UBXN7: variants seen among roughly 807,000 people sequenced by gnomAD.
UBXN7 encodes the protein UBX domain protein 7, also known as UBX domain-containing protein 7.
UBXN7 carries 9 observed loss-of-function variants against 58.0 expected under a neutral mutation model. That is an observed-to-expected ratio of 0.16 (90% CI 0.09 to 0.27). The LOEUF is 0.27. Ranked by LOEUF, UBXN7 falls within the 10% of genes least tolerant of loss-of-function variation. UBXN7 has a pLI of 1.00. For synonymous variants in UBXN7, 208 were observed against 205.0 expected (o/e 1.01, Z -0.12); for missense variants, 328 against 599.6 (o/e 0.55, Z 4.73).
chr3:196,390,376 T>C (rs1172088456), intron 5 of UBXN7, among the ~76,000 whole-genome samples: 2 of 152,096 alleles, frequency 1.3e-5, no homozygotes, highest in African/African-American at 4.8e-5. Flanking sequence ...GTAGTTAGTT[T>C]GGGGCACCTG....
chr3:196,371,344 T>C (rs780200581), intron 6 of UBXN7, among the ~76,000 whole-genome samples: 2 of 152,226 alleles, frequency 1.3e-5, no homozygotes, highest in African/African-American at 4.8e-5. Context: ...GTATTAGTTA[T>C]ATAGATATAT....
At chr3:196,414,128 G>A (rs1028675553) in intron 1 of UBXN7, among the ~76,000 whole-genome samples, 17 of 152,024 alleles carry the variant, frequency 1.1e-4, no homozygotes, top group African/African-American at 4.1e-4. Flanking sequence ...TAGCTGTTCT[G>A]TTGCCACCAC....
At chr3:196,383,116 C>CA (rs370376004) in intron 5 of UBXN7, among the ~76,000 whole-genome samples, 270 of 100,574 alleles carry the variant, frequency 2.7e-3, no homozygotes, top group Middle Eastern at 0.011. Context: ...ACTCCATCTC[C>CA]AAAAAAAAAA....
intron 1 of UBXN7, among the ~76,000 whole-genome samples, chr3:196,412,448 A>T (rs1204431141): frequency 6.6e-6 from 1 of 152,146 alleles, no homozygotes; most frequent in African/African-American, 2.4e-5. Flanking sequence ...GTGGGTGAGC[A>T]TGTGGAGAAA....
At chr3:196,390,231 CAAAG>C (rs767973621) in intron 5 of UBXN7, among the ~76,000 whole-genome samples, 2 of 151,534 alleles carry the variant, frequency 1.3e-5, no homozygotes, top group African/African-American at 2.4e-5. Context: ...AAAAAAAAGA[CAAAG>C]AAAAGGGAAA....
chr3:196,358,010 C>A (rs1193196711), intron 10 of UBXN7, among the ~76,000 whole-genome samples: 1 of 151,808 alleles, frequency 6.6e-6, no homozygotes, highest in African/African-American at 2.4e-5. Context: ...AGCACTCCAG[C>A]CTGGGCAGAG....
At chr3:196,358,754 C>T (rs1359959907) in intron 10 of UBXN7, among the ~76,000 whole-genome samples, 3 of 151,892 alleles carry the variant, frequency 2.0e-5, no homozygotes, top group Non-Finnish European at 4.4e-5. Flanking sequence ...AACCAACCAA[C>T]CAACAACAAC....
chr3:196,353,038 GC>G lies in UBXN7; in HGVS notation c.*3646del, dbSNP rs1214962346. ...CAATAATCAGCCTCTCAAAATAATG[GC>G]ATAAATAAAAATGTATAGGCATAGT... On this transcript the variant is annotated 3_prime_UTR_variant, in exon 11 of 11. Coordinates refer to ENST00000296328, the MANE Select transcript of UBXN7 (RefSeq NM_015562.2). 4 of 152,044 alleles carry G rather than the reference GC, an allele frequency of 2.6e-5. No homozygotes were observed. Among genetic ancestry groups the G allele is most frequent in the Non-Finnish European group, 5.9e-5 (4 of 68,006 alleles). 9.4% of individuals were successfully genotyped at this position (152,044 alleles called of 1,614,324 possible). A position where few individuals can be genotyped will look rare whatever the true frequency, so the allele number is the denominator to read the frequency against.
chr3:196,376,438 C>T (rs936053037), intron 5 of UBXN7, among the ~76,000 whole-genome samples: 1 of 145,520 alleles, frequency 6.9e-6, no homozygotes, highest in East Asian at 2.1e-4. Flanking sequence ...CCCAGCTACT[C>T]GGGAGGGTGA....
rs1367080006 is a variant in UBXN7 at position 196,372,173 on chromosome 3, T to C, written c.469-131A>G. On this transcript the variant is annotated intron_variant, in intron 5 of 10. Coordinates refer to ENST00000296328, the MANE Select transcript of UBXN7 (RefSeq NM_015562.2). Reference sequence around the variant, plus strand: ...TTGCCAGATACGACATCTAGAGTTTTCAGCATTTATACATTCTATATATTT... The same window carrying C: ...TTGCCAGATACGACATCTAGAGTTTCCAGCATTTATACATTCTATATATTT... 4 of 950,314 alleles carry C rather than the reference T, an allele frequency of 4.2e-6. No homozygotes were observed. The African/African-American group carries it at 6.7e-5, about 16-fold the overall frequency. The allele number at this position is 950,314 out of a possible 1,614,324, so 58.9% of individuals were successfully genotyped here. A position where few individuals can be genotyped will look rare whatever the true frequency, so the allele number is the denominator to read the frequency against.
At chr3:196,428,807 G>A (rs1256839457) in intron 1 of UBXN7, among the ~76,000 whole-genome samples, 1 of 147,350 alleles carries the variant, frequency 6.8e-6, no homozygotes, top group Non-Finnish European at 1.5e-5. Context: ...GTGGCAGTGT[G>A]AGACCCAGTC....
At chr3:196,410,581 T>C (rs1023182148) in intron 1 of UBXN7, among the ~76,000 whole-genome samples, 2 of 152,166 alleles carry the variant, frequency 1.3e-5, no homozygotes, top group African/African-American at 4.8e-5. Flanking sequence ...CCCAGCACTT[T>C]GGGAGGCCAA....
chr3:196,358,909 C>A (rs1274179304), intron 10 of UBXN7, among the ~76,000 whole-genome samples: 4 of 151,874 alleles, frequency 2.6e-5, no homozygotes, highest in African/African-American at 4.8e-5. Context: ...GATCCTCCCA[C>A]CTTGGCCTCC....
chr3:196,417,117 T>C (rs1050995282), intron 1 of UBXN7, among the ~76,000 whole-genome samples: 3 of 151,952 alleles, frequency 2.0e-5, no homozygotes, highest in Non-Finnish European at 4.4e-5. Context: ...ATCGAGACCA[T>C]CCTGGCTAAC....
At chr3:196,391,728 G>A (rs1012381185) in intron 5 of UBXN7, 85 bp downstream of exon 5, 74 of 1,018,320 alleles carry the variant, frequency 7.3e-5, no homozygotes, top group Non-Finnish European at 9.3e-5. Flanking sequence ...AGCGAGACCT[G>A]CTCTAAAACA....
chr3:196,367,975 G>A (rs1728716240), intron 8 of UBXN7, 53 bp downstream of exon 8: 6 of 1,589,934 alleles, frequency 3.8e-6, no homozygotes, highest in Non-Finnish European at 5.1e-6. Flanking sequence ...TATATAAGAT[G>A]CTTATGACCA....
chr3:196,409,667 T>G (rs1382656218), intron 1 of UBXN7, among the ~76,000 whole-genome samples: 1 of 152,132 alleles, frequency 6.6e-6, no homozygotes, highest in African/African-American at 2.4e-5. Context: ...TGTTATAAAT[T>G]CTCTGTGAAG....
At chr3:196,384,569 G>T (rs977589443) in intron 5 of UBXN7, among the ~76,000 whole-genome samples, 6 of 152,126 alleles carry the variant, frequency 3.9e-5, no homozygotes, top group African/African-American at 1.2e-4. Flanking sequence ...CTGGCAAACC[G>T]AATCCAGCAG....
intron 2 of UBXN7, among the ~76,000 whole-genome samples, chr3:196,404,438 A>G (rs910982728): frequency 6.6e-6 from 1 of 151,842 alleles, no homozygotes; most frequent in African/African-American, 2.4e-5. Context: ...AATTTTTTGT[A>G]TTTTTAGTGG....
Sources: allele counts gnomAD v4.1 joint callset (sites outside exome capture counted in the v4.1 genomes callset), GRCh38; gene constraint gnomAD v4.1.1; transcripts MANE v1.5; gene names NCBI Gene and HGNC (gene_info 2026-07-23, HGNC 2026-07-21).